PAPSS1: variants seen among roughly 807,000 people sequenced by gnomAD.
PAPSS1 encodes the protein bifunctional 3'-phosphoadenosine 5'-phosphosulfate synthase 1.
In PAPSS1, 50 loss-of-function variants were observed where a neutral mutation model predicts 72.0. The observed-to-expected ratio is 0.69, with a 90% confidence interval of 0.55 to 0.88. The LOEUF is 0.88. PAPSS1 is among the 40% of genes least tolerant of loss of function. PAPSS1 has a pLI of 0.00. For missense variants in PAPSS1, 657 were observed against 782.2 expected, an observed-to-expected ratio of 0.84 and a Z score of 1.91; for synonymous variants, 261 against 263.6, an observed-to-expected ratio of 0.99 and a Z score of 0.09.
intron 5 of PAPSS1, among the ~76,000 whole-genome samples, chr4:107,678,411 G>C (rs1172259610): frequency 6.6e-6 from 1 of 151,846 alleles, no homozygotes; most frequent in African/African-American, 2.4e-5. Context: ...AAGTGAAAAG[G>C]CCAGCCAATC....
chr4:107,644,599 T>C (rs1204321233), intron 10 of PAPSS1, among the ~76,000 whole-genome samples: 2 of 152,130 alleles, frequency 1.3e-5, no homozygotes, highest in African/African-American at 4.8e-5. Flanking sequence ...GAAGAGCAAG[T>C]GAAACCTCTC....
At chr4:107,719,923 G>A in intron 1 of PAPSS1, 197 bp downstream of exon 1, 1 of 1,373,074 alleles carries the variant, frequency 7.3e-7, no homozygotes, top group Non-Finnish European at 9.3e-7. Flanking sequence ...GCTAGGGCGA[G>A]ATCCCCACCC....
chr4:107,622,404 A>C (rs1038711509), intron 11 of PAPSS1, among the ~76,000 whole-genome samples: 3 of 152,252 alleles, frequency 2.0e-5, no homozygotes, highest in African/African-American at 4.8e-5. Context: ...ATACCATAAT[A>C]ACATCTCTTT....
chr4:107,686,780 T>C (rs1722798078), intron 4 of PAPSS1, among the ~76,000 whole-genome samples: 2 of 152,202 alleles, frequency 1.3e-5, no homozygotes, highest in Admixed American at 6.5e-5. Flanking sequence ...CCTAATTTTA[T>C]CAAGTAGGTT....
Position 107,687,170 on chromosome 4 carries a change from T to C in PAPSS1, c.419A>G (p.Asn140Ser), listed in dbSNP as rs1313915436. ...SFISPYTQDR[N>S]NARQIHEGAS... ...ACCTTCATGAATTTGCCTTGCATTG[T>C]TGCGATCCTTAAAAAAAAATAAAAT... The change falls in exon 4 of 12, where the codon AAC (asparagine) becomes AGC (serine). Residue 140 changes from asparagine (N) to serine (S), a missense_variant. By Grantham distance (46) the Asn-to-Ser change is conservative. This residue lies in a region of PAPSS1 where 119 missense variants were observed against 171.1 expected (regional missense o/e 0.70). Transcript: ENST00000265174. 6 of 1,559,306 alleles carry C rather than the reference T, an allele frequency of 3.8e-6. No individual in the cohort carries two copies. The highest frequency in any genetic ancestry group is 4.3e-6 in the Non-Finnish European group (5 of 1,162,024).
At chr4:107,646,328 T>TAC (rs1560571056) in intron 9 of PAPSS1, among the ~76,000 whole-genome samples, 1 of 139,958 alleles carries the variant, frequency 7.1e-6, no homozygotes, top group East Asian at 2.0e-4. Flanking sequence ...CACACACACA[T>TAC]ACACACACAT....
chr4:107,657,524 C>A (rs1011249546), intron 6 of PAPSS1, among the ~76,000 whole-genome samples: 6 of 152,138 alleles, frequency 3.9e-5, no homozygotes, highest in African/African-American at 1.4e-4. Context: ...GAGCTCAAGA[C>A]CAGCCTGGCC....
intron 2 of PAPSS1, among the ~76,000 whole-genome samples, chr4:107,698,936 C>T (rs539944705): frequency 2.0e-5 from 3 of 152,024 alleles, no homozygotes; most frequent in African/African-American, 7.2e-5. Flanking sequence ...ACCTAACTGA[C>T]CTGGGGGAAG....
At chr4:107,692,450 C>T (rs1187594906) in intron 3 of PAPSS1, among the ~76,000 whole-genome samples, 1 of 152,106 alleles carries the variant, frequency 6.6e-6, no homozygotes, top group African/African-American at 2.4e-5. Context: ...ATCTCACACT[C>T]GTCAGAATGG....
At chr4:107,624,082 T>C (rs1726034585) in intron 11 of PAPSS1, among the ~76,000 whole-genome samples, 1 of 152,194 alleles carries the variant, frequency 6.6e-6, no homozygotes, top group Admixed American at 6.5e-5. Context: ...CTTATCTGGC[T>C]CCTGAATATC....
intron 9 of PAPSS1, among the ~76,000 whole-genome samples, chr4:107,647,961 G>T (rs1726737205): frequency 6.6e-6 from 1 of 152,012 alleles, no homozygotes; most frequent in Non-Finnish European, 1.5e-5. Flanking sequence ...AATATACATT[G>T]CTCATTACCT....
At chr4:107,622,166 T>C (rs1318633513) in intron 11 of PAPSS1, among the ~76,000 whole-genome samples, 3 of 152,194 alleles carry the variant, frequency 2.0e-5, no homozygotes, top group African/African-American at 7.2e-5. Context: ...TTGTCCTGCT[T>C]TGGGTTCAAA....
intron 5 of PAPSS1, among the ~76,000 whole-genome samples, chr4:107,661,843 AT>A (rs1727190955): frequency 6.6e-6 from 1 of 152,208 alleles, no homozygotes; most frequent in South Asian, 2.1e-4. Flanking sequence ...TCAAAGCCAG[AT>A]GACTTCATGA....
intron 5 of PAPSS1, among the ~76,000 whole-genome samples, chr4:107,667,164 C>G (rs564924134): frequency 6.6e-6 from 1 of 152,244 alleles, no homozygotes; most frequent in East Asian, 1.9e-4. Flanking sequence ...GACGTAAAGC[C>G]TACATAAAAA....
chr4:107,644,285 G>C (rs1157429833), intron 10 of PAPSS1, among the ~76,000 whole-genome samples: 2 of 152,156 alleles, frequency 1.3e-5, no homozygotes, highest in African/African-American at 4.8e-5. Flanking sequence ...AAACCTAGCA[G>C]ATCTTCCCCT....
chr4:107,633,629 G>A (rs1316571971), intron 10 of PAPSS1, among the ~76,000 whole-genome samples: 3 of 152,056 alleles, frequency 2.0e-5, no homozygotes, highest in African/African-American at 7.2e-5. Context: ...TAAAAAGAAT[G>A]GGATTGGTGG....
intron 1 of PAPSS1, among the ~76,000 whole-genome samples, chr4:107,704,679 TG>T (rs1450547255): frequency 6.6e-6 from 1 of 152,190 alleles, no homozygotes; most frequent in Non-Finnish European, 1.5e-5. Context: ...TAGCTGGGCA[TG>T]GTGGCTCACA....
chr4:107,626,107 G>A (rs948982661), intron 11 of PAPSS1, among the ~76,000 whole-genome samples: 4 of 151,612 alleles, frequency 2.6e-5, no homozygotes, highest in Admixed American at 2.0e-4. Context: ...GAAACAGGGA[G>A]GCAGAGCTTG....
intron 7 of PAPSS1, among the ~76,000 whole-genome samples, chr4:107,656,570 T>C (rs1415973721): frequency 1.3e-5 from 2 of 152,184 alleles, no homozygotes; most frequent in East Asian, 1.9e-4. Context: ...ACGCAGCACG[T>C]ACATGCCCTG....
Sources: gnomAD v4.1 joint callset for allele counts (sites outside exome capture counted in the v4.1 genomes callset) on GRCh38, gnomAD v4.1.1 for gene constraint, gnomAD v4.1.1 regional missense constraint, MANE v1.5 for transcripts, NCBI Gene and HGNC (gene_info 2026-07-23, HGNC 2026-07-21) for gene names.